Variants in HDAC9 observed in about 807,000 individuals in gnomAD.
HDAC9 encodes MEF-2 interacting transcription repressor (MITR) protein.
HDAC9 carries 41 observed loss-of-function variants against 139.4 expected under a neutral mutation model. The observed-to-expected ratio is 0.29, with a 90% CI of 0.23 to 0.38. The LOEUF (loss-of-function observed/expected upper bound fraction) is 0.38, where lower values mean the gene tolerates loss of function less well. HDAC9 is among the 10% of genes least tolerant of loss of function. The pLI, the probability that HDAC9 is intolerant of heterozygous loss-of-function variation, is 1.00. For synonymous variants in HDAC9, 517 were observed against 476.2 expected, an observed-to-expected ratio of 1.09 and a Z score of -1.12; for missense variants, 1,147 against 1,297.0, an observed-to-expected ratio of 0.88 and a Z score of 1.78.
chr7:18,158,837 T>C (rs1787413553), intron 1 of HDAC9, among the ~76,000 whole-genome samples: 1 of 152,210 alleles, frequency 6.6e-6, no homozygotes, highest in Admixed American at 6.5e-5. Context: ...GGTAGTGCCC[T>C]CTCTTTTTTC....
At chr7:18,534,418 A>C (rs2704288) in intron 2 of HDAC9, among the ~76,000 whole-genome samples, 2,131 of 152,294 alleles carry the variant, frequency 0.014, 47 homozygotes, top group African/African-American at 0.049. Context: ...ATGGCAGTGC[A>C]TGCCTGTAGT....
At chr7:18,874,150 G>C (rs1448185423) in intron 21 of HDAC9, among the ~76,000 whole-genome samples, 1 of 151,788 alleles carries the variant, frequency 6.6e-6, no homozygotes, top group African/African-American at 2.4e-5. Flanking sequence ...TCCCTTGGAA[G>C]AAGCAGTTTT....
In HDAC9 at chr7:18,277,991, C is replaced by G. The variant is rs368873761; in HGVS notation, c.25+115642C>G. Among the ~76,000 whole-genome samples, 6 of 152,306 alleles carry G rather than the reference C, an allele frequency of 3.9e-5. No homozygotes were observed. The East Asian group carries it at 9.6e-4, about 24-fold the overall frequency. Reference sequence around the variant, plus strand: ...TACCATGTCTATGTCATTGCACTTGCTTCTTCAGCTAGTGACATCAGAACC... The same window carrying G: ...TACCATGTCTATGTCATTGCACTTGGTTCTTCAGCTAGTGACATCAGAACC... On this transcript the variant is annotated intron_variant, in intron 2 of 12. Coordinates refer to the HDAC9 transcript ENST00000417496.
Position 18,163,851 on chromosome 7 carries a change from A to T in HDAC9, c.25+1502A>T, listed in dbSNP as rs1787826313. ...TAATTTAGAACCACTGTGGTCAAGT[A>T]TTTTTTTCTTGTGATAATATTTGGC... On this transcript the variant is annotated intron_variant, in intron 2 of 12. Coordinates refer to the HDAC9 transcript ENST00000417496. Among the ~76,000 whole-genome samples the T allele has an allele frequency of 2.0e-5, 3 of 152,226 alleles. No homozygotes were observed. The South Asian group carries it at 6.2e-4, about 32-fold the overall frequency.
intron 1 of HDAC9, among the ~76,000 whole-genome samples, chr7:18,355,412 G>A (rs931191862): frequency 2.0e-5 from 3 of 151,940 alleles, no homozygotes; most frequent in Non-Finnish European, 2.9e-5. Context: ...TATTCAAAAC[G>A]GAGACTTTTA....
intron 2 of HDAC9, among the ~76,000 whole-genome samples, chr7:18,525,610 A>G (rs556497361): frequency 6.6e-6 from 1 of 152,258 alleles, no homozygotes; most frequent in South Asian, 2.1e-4. Flanking sequence ...TACTGTTTAT[A>G]TAGTCCTAGT....
intron 17 of HDAC9, among the ~76,000 whole-genome samples, chr7:18,810,667 T>C (rs545486519): frequency 6.6e-6 from 1 of 152,072 alleles, no homozygotes; most frequent in East Asian, 1.9e-4. Context: ...AGTTCCTTCA[T>C]GTCCCTGGTA....
intron 25 of HDAC9, among the ~76,000 whole-genome samples, chr7:18,987,079 C>A (rs1220309287): frequency 1.3e-5 from 2 of 152,210 alleles, no homozygotes; most frequent in African/African-American, 4.8e-5. Context: ...TGCCTAATTG[C>A]CCTGGCCAGA....
intron 12 of HDAC9, among the ~76,000 whole-genome samples, chr7:18,714,828 G>A (rs1178214915): frequency 3.3e-5 from 5 of 152,118 alleles, no homozygotes; most frequent in Non-Finnish European, 7.4e-5. Flanking sequence ...AAGAGTGACT[G>A]GATCTGTTGA....
At chr7:18,675,776 T>C (rs1378442919) in intron 12 of HDAC9, among the ~76,000 whole-genome samples, 3 of 152,010 alleles carry the variant, frequency 2.0e-5, no homozygotes, top group African/African-American at 7.2e-5. Flanking sequence ...CTAGGGTTGA[T>C]TCAGCTGCAG....
rs1786581011 is a variant in HDAC9 at position 18,998,388 on chromosome 7, G to C, written c.*2326G>C. 1 of 152,138 alleles carries C rather than the reference G, an allele frequency of 6.6e-6. No homozygotes were observed. Among genetic ancestry groups the C allele is most frequent in the Non-Finnish European group, 1.5e-5 (1 of 68,022 alleles). 9.4% of individuals were successfully genotyped at this position (152,138 alleles called of 1,614,324 possible). On this transcript the variant is annotated 3_prime_UTR_variant, in exon 26 of 26. Transcript: ENST00000686413. Reference sequence around the variant, plus strand: ...CCATGGTTATTTAGATTTAAAACTTGACACATTAATGAGTTAATCACACAT... The same window carrying C: ...CCATGGTTATTTAGATTTAAAACTTCACACATTAATGAGTTAATCACACAT...
At chr7:18,339,563 T>C (rs1411346923) in intron 1 of HDAC9, among the ~76,000 whole-genome samples, 1 of 151,472 alleles carries the variant, frequency 6.6e-6, no homozygotes, top group East Asian at 1.9e-4. Context: ...GTATATGTAG[T>C]TCAAAACTTT....
intron 1 of HDAC9, among the ~76,000 whole-genome samples, chr7:18,444,125 G>A (rs771544012): frequency 4.0e-5 from 6 of 151,514 alleles, no homozygotes; most frequent in South Asian, 4.2e-4. Flanking sequence ...GATCACCTGC[G>A]GTCAGGAGTT....
chr7:18,847,695 C>G (rs992453310), intron 21 of HDAC9, among the ~76,000 whole-genome samples: 2 of 152,238 alleles, frequency 1.3e-5, no homozygotes, highest in African/African-American at 2.4e-5. Flanking sequence ...AAGTCTCCCC[C>G]TGAGGGGTCA....
At chr7:18,946,679 C>T (rs1393571348) in intron 23 of HDAC9, among the ~76,000 whole-genome samples, 4 of 151,848 alleles carry the variant, frequency 2.6e-5, no homozygotes, top group African/African-American at 9.7e-5. Context: ...ATGGAAAGAA[C>T]CAAATGAAAA....
At chr7:18,310,254 G>T (rs971548427) in intron 1 of HDAC9, among the ~76,000 whole-genome samples, 2 of 152,106 alleles carry the variant, frequency 1.3e-5, no homozygotes, top group Admixed American at 6.6e-5. Flanking sequence ...TCTGTTTTAC[G>T]TATCACAGAG....
chr7:18,099,272 C>G (rs1209186237), intron 1 of HDAC9, among the ~76,000 whole-genome samples: 2 of 151,940 alleles, frequency 1.3e-5, no homozygotes, highest in Non-Finnish European at 2.9e-5. Flanking sequence ...CCAACCTGGC[C>G]AACATGGTGA....
chr7:18,109,377 A>G (rs559875252), intron 1 of HDAC9, among the ~76,000 whole-genome samples: 15 of 152,348 alleles, frequency 9.8e-5, no homozygotes, highest in African/African-American at 2.6e-4. Context: ...TTCTAACTTC[A>G]TCTGTAGCTT....
Position 18,935,835 on chromosome 7 carries a change from A to C in HDAC9, c.2830A>C (p.Met944Leu). 1 of 1,613,734 alleles carries C rather than the reference A, an allele frequency of 6.2e-7. No homozygotes were observed. The highest frequency in any genetic ancestry group is 8.5e-7 in the Non-Finnish European group (1 of 1,179,712). ...KCFGHLTKQLMTLADGRVVLA... is the reference protein window; with the variant it reads ...KCFGHLTKQLLTLADGRVVLA... ...TTTTGGTCATTTGACGAAGCAATTGATGACATTGGCTGATGGACGTGTGGT... is the reference window on the plus strand; with the variant it reads ...TTTTGGTCATTTGACGAAGCAATTGCTGACATTGGCTGATGGACGTGTGGT... The change falls in exon 23 of 26, where the codon ATG (methionine) becomes CTG (leucine). Residue 944 changes from methionine (M) to leucine (L), a missense_variant. Met to Leu is a conservative substitution (Grantham distance 15, BLOSUM62 2). Around this residue, in one of 7 missense-constraint regions of HDAC9, gnomAD observed 407 missense variants for 521.5 expected, o/e 0.78. Transcript: ENST00000686413.
Sources: gnomAD v4.1 joint callset for allele counts (sites outside exome capture counted in the v4.1 genomes callset) on GRCh38, gnomAD v4.1.1 for gene constraint, gnomAD v4.1.1 regional missense constraint, MANE v1.5 for transcripts, NCBI Gene and HGNC (gene_info 2026-07-23, HGNC 2026-07-21) for gene names.